Variants in SLC25A48 observed in about 807,000 individuals in gnomAD.
SLC25A48 encodes solute carrier family 25 member 48, also known as CTC-321K16.1.
A neutral mutation model predicts 32.2 loss-of-function variants in SLC25A48; 29 were observed. That is an observed-to-expected ratio of 0.90 (90% CI 0.67 to 1.23). The LOEUF (loss-of-function observed/expected upper bound fraction) is 1.23. Among genes scored for constraint, SLC25A48 ranks in the 50% most tolerant of loss-of-function variants. SLC25A48 has a pLI of 0.00. For synonymous variants in SLC25A48, 164 were observed against 172.3 expected (o/e 0.95, Z 0.38); for missense variants, 399 against 422.7 (o/e 0.94, Z 0.49).
At chr5:135,589,056 G>C (rs770965466) in intron 1 of SLC25A48, among the ~76,000 whole-genome samples, 5 of 152,200 alleles carry the variant, frequency 3.3e-5, no homozygotes, top group Admixed American at 6.5e-5. Flanking sequence ...AACCAGTCCA[G>C]CCTGTGCCCG....
intron 3 of SLC25A48, among the ~76,000 whole-genome samples, chr5:135,801,857 G>T (rs1428428401): frequency 6.6e-6 from 1 of 151,710 alleles, no homozygotes; most frequent in African/African-American, 2.4e-5. Context: ...TATCCGGGGG[G>T]CGGGGATGAT....
At chr5:135,873,965 G>A in intron 5 of SLC25A48, 56 bp from the exon 6 acceptor site, 1 of 1,478,136 alleles carries the variant, frequency 6.8e-7, no homozygotes, top group Non-Finnish European at 8.9e-7. Context: ...CAAGGAACCA[G>A]GCCCCTCCAG....
At position 135,768,206 on chromosome 5, in the gene SLC25A48, T is replaced by G. The variant is rs532374671; in HGVS notation, c.-520-44317T>G. 4.2e-4 allele frequency among the ~76,000 whole-genome samples: 57 copies of G among 135,780 alleles called. 1 individual carries two copies. The South Asian group carries it at 0.013, about 31-fold the overall frequency. The allele number at this position is 135,780 out of a possible 152,430, so 89.1% of individuals were successfully genotyped here. On this transcript the variant is annotated intron_variant, in intron 3 of 10. Transcript: ENST00000646290. ...TCGCAGTGGAGTGTACACCCCACTG[T>G]GATATTTTTCATAATACTCAGCGGG...
intron 3 of SLC25A48, among the ~76,000 whole-genome samples, chr5:135,796,569 C>T (rs536955956): frequency 2.9e-3 from 430 of 150,828 alleles, no homozygotes; most frequent in Non-Finnish European, 5.0e-3. Flanking sequence ...TTCATAATAT[C>T]CACAGGGGGA....
At chr5:135,642,766 T>C (rs1385166616) in intron 3 of SLC25A48, among the ~76,000 whole-genome samples, 1 of 152,142 alleles carries the variant, frequency 6.6e-6, no homozygotes, top group African/African-American at 2.4e-5. Flanking sequence ...TAGAAACTCA[T>C]AGCGAGTGGT....
chr5:135,824,560 C>G (rs1757979246), intron 4 of SLC25A48: 1 of 152,222 alleles, frequency 6.6e-6, no homozygotes, highest in African/African-American at 2.4e-5. Context: ...GCCCAGGTGG[C>G]CTTGGAGTAC....
At chr5:135,768,724 T>A (rs749847412) in intron 3 of SLC25A48, among the ~76,000 whole-genome samples, 1 of 151,684 alleles carries the variant, frequency 6.6e-6, no homozygotes, top group African/African-American at 2.4e-5. Flanking sequence ...ATATTTTTCA[T>A]AATATCCAGG....
intron 4 of SLC25A48, among the ~76,000 whole-genome samples, chr5:135,829,619 G>A (rs1452734634): frequency 6.9e-6 from 1 of 144,262 alleles, no homozygotes; most frequent in Non-Finnish European, 1.5e-5. Flanking sequence ...ATATGGCACA[G>A]TTGGACAGTG....
intron 3 of SLC25A48, among the ~76,000 whole-genome samples, chr5:135,749,896 C>A (rs1280351332): frequency 6.6e-6 from 1 of 152,010 alleles, no homozygotes; most frequent in African/African-American, 2.4e-5. Flanking sequence ...CGGCCAGGAC[C>A]GCTTCTTAAG....
chr5:135,835,376 A>G (rs1320463884), intron 1 of SLC25A48, among the ~76,000 whole-genome samples: 1 of 152,130 alleles, frequency 6.6e-6, no homozygotes, highest in Non-Finnish European at 1.5e-5. Flanking sequence ...CAGAGCTCTC[A>G]CAGCAGGGAG....
chr5:135,803,917 CAGTG>C (rs1306603550), intron 3 of SLC25A48, among the ~76,000 whole-genome samples: 4 of 151,620 alleles, frequency 2.6e-5, no homozygotes, highest in Non-Finnish European at 5.9e-5. Flanking sequence ...AATAACCTCA[CAGTG>C]AGTGCACACG....
At chr5:135,741,829 T>C (rs565836279) in intron 3 of SLC25A48, among the ~76,000 whole-genome samples, 32 of 152,196 alleles carry the variant, frequency 2.1e-4, no homozygotes, top group Non-Finnish European at 3.1e-4. Context: ...CCACTGGCTA[T>C]AGTTTGCACA....
At chr5:135,634,091 C>G (rs538932853) in intron 2 of SLC25A48, among the ~76,000 whole-genome samples, 1 of 152,296 alleles carries the variant, frequency 6.6e-6, no homozygotes, top group South Asian at 2.1e-4. Context: ...GGCTCTATCT[C>G]TCACCAGTCC....
intron 3 of SLC25A48, among the ~76,000 whole-genome samples, chr5:135,707,822 C>T (rs555854705): frequency 3.9e-5 from 6 of 152,162 alleles, no homozygotes; most frequent in East Asian, 3.9e-4. Context: ...AGCTTGTCTG[C>T]GAGGGCATGT....
At chr5:135,789,408 G>A (rs1561493975) in intron 3 of SLC25A48, among the ~76,000 whole-genome samples, 1 of 151,352 alleles carries the variant, frequency 6.6e-6, no homozygotes, top group Non-Finnish European at 1.5e-5. Flanking sequence ...TACTCCCCAG[G>A]TGGCCGGGGT....
At chr5:135,872,085 C>A in intron 5 of SLC25A48, 1 of 1,052,204 alleles carries the variant, frequency 9.5e-7, no homozygotes, top group Non-Finnish European at 1.2e-6. Context: ...GAATCGGTTT[C>A]CCCATTTCAC....
intron 7 of SLC25A48, among the ~76,000 whole-genome samples, chr5:135,887,527 G>A (rs538415484): frequency 1.3e-5 from 2 of 151,794 alleles, no homozygotes; most frequent in Non-Finnish European, 2.9e-5. Context: ...TCGCCCAAAG[G>A]CTGATACCCT....
chr5:135,670,895 G>A (rs1753640401), intron 3 of SLC25A48, among the ~76,000 whole-genome samples: 2 of 152,174 alleles, frequency 1.3e-5, no homozygotes, highest in South Asian at 4.1e-4. Flanking sequence ...TCCCTCCCCA[G>A]ATGCAAGAGA....
intron 3 of SLC25A48, 30 bp downstream of exon 3, chr5:135,850,526 G>A (rs1759770788): frequency 6.2e-7 from 1 of 1,609,450 alleles, no homozygotes; most frequent in African/African-American, 1.3e-5. Context: ...GTGGAGTGAT[G>A]CCTGCCTGGG....
Sources: gnomAD v4.1 joint callset for allele counts (sites outside exome capture counted in the v4.1 genomes callset) on GRCh38, gnomAD v4.1.1 for gene constraint, MANE v1.5 for transcripts, NCBI Gene and HGNC (gene_info 2026-07-23, HGNC 2026-07-21) for gene names.